The following AGO2 variants were observed in gnomAD, a reference collection of about 807,000 sequenced individuals.
AGO2 encodes argonaute RISC catalytic component 2, also known as protein argonaute-2.
A neutral mutation model predicts 102.3 loss-of-function variants in AGO2; 5 were observed. The observed-to-expected ratio is 0.05, with a 90% CI of 0.03 to 0.10. The LOEUF (loss-of-function observed/expected upper bound fraction) is 0.10, where lower values mean the gene tolerates loss of function less well. AGO2 is among the 10% of genes least tolerant of loss of function. The pLI, the probability that AGO2 is intolerant of heterozygous loss-of-function variation, is 1.00. For synonymous variants in AGO2, 449 were observed against 473.1 expected (o/e 0.95, Z 0.66); for missense variants, 541 against 1,183.7 (o/e 0.46, Z 7.97).
At chr8:140,535,346 A>C in intron 17 of AGO2, 122 bp downstream of exon 17, 1 of 1,021,990 alleles carries the variant, frequency 9.8e-7, no homozygotes. Context: ...GTTCCCTGGT[A>C]CTGCCTGTGT....
intron 13 of AGO2, among the ~76,000 whole-genome samples, chr8:140,546,198 C>A (rs1052920939): frequency 3.3e-5 from 5 of 152,216 alleles, no homozygotes; most frequent in African/African-American, 1.2e-4. Context: ...AGAGCCCGCA[C>A]CCCACGCTCA....
chr8:140,532,796 TCCAG>T (rs2072621092), intron 17 of AGO2, 181 bp from the exon 18 acceptor site: 2 of 585,568 alleles, frequency 3.4e-6, no homozygotes, highest in Non-Finnish European at 5.9e-6. Flanking sequence ...GGAGTTCGAG[TCCAG>T]CCTGGCCAAC....
upstream of AGO2, among the ~76,000 whole-genome samples, chr8:140,639,400 G>A (rs997207783): frequency 4.0e-5 from 6 of 151,236 alleles, no homozygotes; most frequent in African/African-American, 1.5e-4. Flanking sequence ...AGAATCACTT[G>A]AACCTGGGAG....
At position 140,544,282 on chromosome 8, in the gene AGO2, G is replaced by T; in HGVS notation, c.1770C>A (p.Pro590=). 6.2e-7 allele frequency: 1 copy of T among 1,603,120 alleles called. No homozygotes were observed. Among genetic ancestry groups the T allele is most frequent in the African/African-American group, 1.3e-5 (1 of 74,170 alleles). ...PQGRPPVFQQ[P]VIFLGADVTH... ...TGACGTCTGCTCCCAGAAAGATGAC[G>T]GGCTGCTGGAACACCGGCGGCCTGC... is the stretch of plus-strand genomic sequence containing the variant. Residue 590 remains proline (P), a synonymous_variant, in exon 14 of 19, where the codon CCC becomes CCA. Coordinates refer to ENST00000220592, the MANE Select transcript of AGO2 (RefSeq NM_012154.5).
intron 2 of AGO2, among the ~76,000 whole-genome samples, chr8:140,575,539 T>C (rs1431964540): frequency 6.6e-6 from 1 of 152,200 alleles, no homozygotes; most frequent in Admixed American, 6.5e-5. Flanking sequence ...AGGTGGGTTC[T>C]ACTCACATTC....
chr8:140,553,405 TTTTTTG>T (rs1272629102), intron 10 of AGO2, among the ~76,000 whole-genome samples: 1 of 81,840 alleles, frequency 1.2e-5, no homozygotes, highest in Admixed American at 1.2e-4. Context: ...AAGTTTTTTG[TTTTTTG>T]TTTTTTTTTT....
At chr8:140,619,057 G>C (rs1265526535) in intron 1 of AGO2, among the ~76,000 whole-genome samples, 1 of 152,056 alleles carries the variant, frequency 6.6e-6, no homozygotes, top group Non-Finnish European at 1.5e-5. Context: ...TCCTCCGAGA[G>C]CAGCTGCTGG....
intron 6 of AGO2, among the ~76,000 whole-genome samples, chr8:140,559,076 A>G (rs943319142): frequency 2.0e-5 from 3 of 152,084 alleles, no homozygotes; most frequent in Non-Finnish European, 2.9e-5. Flanking sequence ...GACAAAAGAA[A>G]ACGCATCCTA....
chr8:140,577,234 A>G (rs1554706411), intron 2 of AGO2, among the ~76,000 whole-genome samples: 1 of 147,736 alleles, frequency 6.8e-6, no homozygotes, highest in Non-Finnish European at 1.5e-5. Context: ...AAAAAGAAAC[A>G]TGCCTGGGGA....
chr8:140,536,387 C>T (rs1379591567), intron 16 of AGO2, among the ~76,000 whole-genome samples: 2 of 149,412 alleles, frequency 1.3e-5, no homozygotes, highest in Non-Finnish European at 3.0e-5. Flanking sequence ...AGCACAATGG[C>T]GCAGTCTCGG....
chr8:140,549,209 G>T lies in AGO2; in HGVS notation c.1493C>A (p.Ala498Glu), dbSNP rs1365794559. 6.2e-7 allele frequency: 1 copy of T among 1,613,516 alleles called. No individual in the cohort carries two copies. The highest frequency in any genetic ancestry group is 1.7e-5 in the Admixed American group (1 of 60,010). Residue 498 changes from alanine to glutamate, a missense_variant, in exon 12 of 19, where the codon GCG becomes GAG. Ala to Glu is a moderately radical substitution (Grantham distance 107, BLOSUM62 -1). Transcript: ENST00000220592. ...CCGGAACATGGGCTCCACGCTGTCC[G>T]CCCCCTGCGCGTATTTGCAGAAGCA... The part of the protein sequence containing the change: ...QPCFCKYAQG[A>E]DSVEPMFRHL...
Position 140,559,501 on chromosome 8 carries a change from C to T in AGO2, c.684G>A (p.Gln228=). The T allele has an allele frequency of 6.2e-7, 1 of 1,614,262 alleles. No individual in the cohort carries two copies. Among genetic ancestry groups the T allele is most frequent in the Non-Finnish European group, 8.5e-7 (1 of 1,180,046 alleles). ...CTTCACAAACAAACTCGATTACTGG[C>T]TGTGCCTTGTAAAACGCTGTTGCTG... ...DVSATAFYKA[Q]PVIEFVCEVL... Residue 228 remains glutamine, a synonymous_variant, in exon 6 of 19, where the codon CAG becomes CAA. Transcript: ENST00000220592.
chr8:140,556,417 G>A, intron 8 of AGO2, 131 bp from the exon 9 acceptor site: 3 of 1,201,226 alleles, frequency 2.5e-6, no homozygotes, highest in Non-Finnish European at 3.5e-6. Context: ...GCTATGAAGT[G>A]CTGTGCAGGT....
chr8:140,642,023 C>A, the AGO2 span, among the ~76,000 whole-genome samples: 1 of 149,396 alleles, frequency 6.7e-6, no homozygotes, highest in East Asian at 2.0e-4. Flanking sequence ...GCCTGGTCAA[C>A]AGAGACCGTC....
At chr8:140,542,083 C>G (rs2072809331) in intron 14 of AGO2, among the ~76,000 whole-genome samples, 1 of 152,138 alleles carries the variant, frequency 6.6e-6, no homozygotes, top group South Asian at 2.1e-4. Flanking sequence ...CAAGCAGCCA[C>G]CGGAAGGTGC....
chr8:140,641,670 G>A, the AGO2 span, among the ~76,000 whole-genome samples: 3 of 152,180 alleles, frequency 2.0e-5, no homozygotes, highest in South Asian at 2.1e-4. Flanking sequence ...TGCAACCTCC[G>A]CCTCCCGGGT....
In AGO2 at chr8:140,562,445, G is replaced by T; in HGVS notation, c.518+8C>A. ...TCCCCCGCCCTTGGTCCCGTGTGGC[G>T]CCCTCACCTCATGGATGGCAAGTGC... On this transcript the variant is annotated splice_region_variant and intron_variant, in intron 4 of 18. Transcript: ENST00000220592. The T allele has an allele frequency of 6.2e-7, 1 of 1,606,826 alleles. No individual in the cohort carries two copies.
chr8:140,586,634 A>C (rs182932237), intron 1 of AGO2, among the ~76,000 whole-genome samples: 2,672 of 152,278 alleles, frequency 0.018, 33 homozygotes, highest in Middle Eastern at 0.034. Flanking sequence ...CCTTCCCAGC[A>C]AGGACCCTGA....
At chr8:140,584,896 T>G (rs2073627586) in intron 2 of AGO2, among the ~76,000 whole-genome samples, 1 of 152,190 alleles carries the variant, frequency 6.6e-6, no homozygotes, top group South Asian at 2.1e-4. Flanking sequence ...TTCACTATCC[T>G]GAAACTGTGT....
Sources: gnomAD v4.1 joint callset for allele counts (sites outside exome capture counted in the v4.1 genomes callset) on GRCh38, gnomAD v4.1.1 for gene constraint, MANE v1.5 for transcripts, NCBI Gene and HGNC (gene_info 2026-07-23, HGNC 2026-07-21) for gene names.